The following ADAMTS2 variants were observed in gnomAD, a reference collection of about 807,000 sequenced individuals.
ADAMTS2 encodes the protein ADAM metallopeptidase with thrombospondin type 1 motif 2.
A neutral mutation model predicts 123.0 loss-of-function variants in ADAMTS2; 50 were observed. The ratio of observed to expected loss-of-function variants is 0.41; its 90% confidence interval spans 0.32 to 0.51. ADAMTS2 has a LOEUF of 0.51. Among genes scored for constraint, ADAMTS2 ranks in the 20% least tolerant of loss-of-function variants. The pLI is 0.35. For missense variants in ADAMTS2, 1,494 were observed against 1,705.2 expected (o/e 0.88, Z 2.18); for synonymous variants, 678 against 695.4 (o/e 0.98, Z 0.39).
Position 179,272,186 on chromosome 5 carries a change from G to C in ADAMTS2, c.688+725C>G, listed in dbSNP as rs955692607. Among the ~76,000 whole-genome samples the C allele has an allele frequency of 3.3e-5, 5 of 152,354 alleles. No individual in the cohort carries two copies. The highest frequency in any genetic ancestry group is 3.4e-3 in the Middle Eastern group (1 of 294). ...CAGAGACTGGGGGATGCTGGGAGGT[G>C]TGGGCTGGCACAGTGAGGCCAGATC... is the stretch of plus-strand genomic sequence containing the variant. On this transcript the variant is annotated intron_variant, in intron 3 of 21. Coordinates refer to ENST00000251582, the MANE Select transcript of ADAMTS2 (RefSeq NM_014244.5). This position sits in a 1 kb window ranked among gnomAD's most constrained non-coding sequence, Gnocchi z 5.8.
chr5:179,261,881 A>T (rs1008267189), intron 3 of ADAMTS2, among the ~76,000 whole-genome samples: 1 of 152,174 alleles, frequency 6.6e-6, no homozygotes, highest in Non-Finnish European at 1.5e-5. Context: ...ACACACGTCC[A>T]TGGGACCCCA....
chr5:179,306,065 C>A (rs1382791251), intron 2 of ADAMTS2, among the ~76,000 whole-genome samples: 3 of 151,992 alleles, frequency 2.0e-5, no homozygotes, highest in African/African-American at 7.3e-5. Flanking sequence ...AAAAATGGCA[C>A]CAATTCTCCC....
At position 179,113,802 on chromosome 5, in the gene ADAMTS2, T is replaced by A; in HGVS notation, c.*65A>T. The stretch of plus-strand genomic sequence containing the variant: ...GACTTCATCTCCATGACACAGGATT[T>A]GCTATCCCATGGAATATCTCTATAA... On this transcript the variant is annotated 3_prime_UTR_variant, in exon 22 of 22. Transcript: ENST00000251582. 1 of 1,506,442 alleles carries A rather than the reference T, an allele frequency of 6.6e-7. No individual in the cohort carries two copies. The highest frequency in any genetic ancestry group is 9.2e-7 in the Non-Finnish European group (1 of 1,082,750). The allele number at this position is 1,506,442 out of a possible 1,614,324, so 93.3% of individuals were successfully genotyped here.
At chr5:179,257,065 A>T (rs1188922621) in intron 3 of ADAMTS2, among the ~76,000 whole-genome samples, 1 of 152,212 alleles carries the variant, frequency 6.6e-6, no homozygotes. Flanking sequence ...CAAGAAAGGG[A>T]GGCCCAGGCC....
Position 179,118,471 on chromosome 5 carries a change from AAC to A in ADAMTS2, c.3178+3188_3178+3189del, listed in dbSNP as rs1466312257. 6.6e-6 allele frequency among the ~76,000 whole-genome samples: 1 copy of A among 152,224 alleles called. No homozygotes were observed. Among genetic ancestry groups the A allele is most frequent in the African/African-American group, 2.4e-5 (1 of 41,452 alleles). On this transcript the variant is annotated intron_variant, in intron 21 of 21. Transcript: ENST00000251582. The surrounding 1 kb of genome is among the most constrained non-coding windows in gnomAD (Gnocchi z 4.5). ...GAATGACAATCAACCATTGAGAGTAAACACAGTTTTCATAAACTTAAGTCACT... is the reference window on the plus strand; with the variant it reads ...GAATGACAATCAACCATTGAGAGTAAACAGTTTTCATAAACTTAAGTCACT...
At position 179,202,178 on chromosome 5, in the gene ADAMTS2, G is replaced by A. The variant is rs573180178; in HGVS notation, c.891+5335C>T. On this transcript the variant is annotated intron_variant, in intron 4 of 21. Transcript: ENST00000251582. The surrounding 1 kb of genome is among the most constrained non-coding windows in gnomAD (Gnocchi z 4.0). ...CCACCTCTGGAAGACTGCGGCGGCC[G>A]GCCTTGCCGGCCCCGACTTCCCCTA... is the stretch of plus-strand genomic sequence containing the variant. 3.2e-4 allele frequency among the ~76,000 whole-genome samples: 49 copies of A among 152,114 alleles called. 1 individual carries two copies. The East Asian group carries it at 7.0e-3, about 22-fold the overall frequency.
chr5:179,255,037 T>C (rs1375941599), intron 3 of ADAMTS2, among the ~76,000 whole-genome samples: 1 of 152,024 alleles, frequency 6.6e-6, no homozygotes, highest in African/African-American at 2.4e-5. Flanking sequence ...AATGAATGGA[T>C]AAATAATTGG....
intron 4 of ADAMTS2, among the ~76,000 whole-genome samples, chr5:179,190,503 C>T (rs561885856): frequency 6.6e-6 from 1 of 152,284 alleles, no homozygotes; most frequent in Admixed American, 6.5e-5. Flanking sequence ...GGACCCAGGA[C>T]ATCCAATTAG....
Position 179,153,496 on chromosome 5 carries a change from T to C in ADAMTS2, c.1510A>G (p.Thr504Ala). The C allele has an allele frequency of 6.2e-7, 1 of 1,609,108 alleles. No individual in the cohort carries two copies. Among genetic ancestry groups the C allele is most frequent in the African/African-American group, 1.3e-5 (1 of 75,042 alleles). Residue 504 changes from threonine (T) to alanine (A), a missense_variant, in exon 9 of 22, where the codon ACG becomes GCG. Physicochemically the swap from Thr to Ala is moderately conservative, Grantham distance 58 (BLOSUM62 0). Around this residue, in one of 6 missense-constraint regions of ADAMTS2, gnomAD observed 953 missense variants for 1,124.7 expected, o/e 0.85. Transcript: ENST00000251582. ...CTGCAGGGCTGCACACTCACCGCCG[T>C]GCACATCATGTAGCCCAGGCCGAAG... ...FDFGLGYMMC[T>A]AFRTFDPCKQ... is the part of the protein sequence containing the mutation.
At chr5:179,322,838 ACAC>A (rs1279337178) in intron 2 of ADAMTS2, among the ~76,000 whole-genome samples, 1 of 152,206 alleles carries the variant, frequency 6.6e-6, no homozygotes, top group Non-Finnish European at 1.5e-5. Context: ...AATCTCTCAC[ACAC>A]AAGCTGGCGC....
intron 3 of ADAMTS2, among the ~76,000 whole-genome samples, chr5:179,230,529 C>T (rs949075618): frequency 3.3e-5 from 5 of 152,186 alleles, no homozygotes; most frequent in Admixed American, 6.5e-5. Flanking sequence ...CACACAGAGA[C>T]GGTGAGACTT....
Position 179,125,106 on chromosome 5 carries a change from CAGCGCACGG to C in ADAMTS2, c.2816_2824del (p.Ser939_Arg941del). The C allele has an allele frequency of 6.2e-7, 1 of 1,612,936 alleles. No individual in the cohort carries two copies. The highest frequency in any genetic ancestry group is 8.5e-7 in the Non-Finnish European group (1 of 1,179,900). ...GGTGTTGTCGTGTAGCGGCTGAATG[CAGCGCACGG>C]AGCGCACCTGCATGCCTGTCCGCCC... On this transcript the variant is annotated inframe_deletion, in exon 19 of 22. Transcript: ENST00000251582.
chr5:179,296,028 A>T (rs1348619320), intron 2 of ADAMTS2, among the ~76,000 whole-genome samples: 1 of 152,182 alleles, frequency 6.6e-6, no homozygotes, highest in South Asian at 2.1e-4. Flanking sequence ...GCTCAGCCAC[A>T]CAGCACGTGC....
In ADAMTS2 at chr5:179,312,767, G is replaced by A. The variant is rs866995360; in HGVS notation, c.534+31000C>T. ...TGCCACGAGGACCTGGAAGAGCCCA[G>A]GACGCATCCTCCCCTAGAGGCTCCG... On this transcript the variant is annotated intron_variant, in intron 2 of 21. Coordinates refer to ENST00000251582, the MANE Select transcript of ADAMTS2 (RefSeq NM_014244.5). This position sits in a 1 kb window ranked among gnomAD's most constrained non-coding sequence, Gnocchi z 4.2. Among the ~76,000 whole-genome samples, 5 of 152,342 alleles carry A rather than the reference G, an allele frequency of 3.3e-5. No individual in the cohort carries two copies. The highest frequency in any genetic ancestry group is 3.4e-3 in the Middle Eastern group (1 of 294).
chr5:179,234,070 C>T lies in ADAMTS2; in HGVS notation c.689-26355G>A, dbSNP rs569440940. On this transcript the variant is annotated intron_variant, in intron 3 of 21. Transcript: ENST00000251582. The surrounding 1 kb of genome is among the most constrained non-coding windows in gnomAD (Gnocchi z 4.7). ...ACTGCCAGGCCCTTCCACAGCCCGA[C>T]TCCCCGTGGACTCTGCAGGTTTCCT... Among the ~76,000 whole-genome samples, 2 of 152,290 alleles carry T rather than the reference C, an allele frequency of 1.3e-5. No individual in the cohort carries two copies. The highest frequency in any genetic ancestry group is 3.9e-4 in the East Asian group (2 of 5,180).
At chr5:179,149,512 G>A (rs527745918) in intron 10 of ADAMTS2, among the ~76,000 whole-genome samples, 24 of 152,218 alleles carry the variant, frequency 1.6e-4, no homozygotes, top group African/African-American at 5.8e-4. Context: ...ACTGGTGGCC[G>A]CAGGAACCAG....
rs925259912 is a variant in ADAMTS2, at chr5:179,314,517, G to A, written c.534+29250C>T. Among the ~76,000 whole-genome samples, 2 of 152,108 alleles carry A rather than the reference G, an allele frequency of 1.3e-5. No individual in the cohort carries two copies. The highest frequency in any genetic ancestry group is 6.5e-5 in the Admixed American group (1 of 15,280). ...TGCTGTACTCAGAGCCCAGGAAGCAGCCCTCCCACCCACAGCGCTCCTGCC... is the reference window on the plus strand; with the variant it reads ...TGCTGTACTCAGAGCCCAGGAAGCAACCCTCCCACCCACAGCGCTCCTGCC... On this transcript the variant is annotated intron_variant, in intron 2 of 21. Coordinates refer to ENST00000251582, the MANE Select transcript of ADAMTS2 (RefSeq NM_014244.5). This position sits in a 1 kb window ranked among gnomAD's most constrained non-coding sequence, Gnocchi z 4.5.
chr5:179,320,972 G>GA (rs961130015), intron 2 of ADAMTS2, among the ~76,000 whole-genome samples: 12 of 151,710 alleles, frequency 7.9e-5, no homozygotes, highest in Non-Finnish European at 1.3e-4. Context: ...GGGGATGTGG[G>GA]AAAAAAAACA....
intron 3 of ADAMTS2, among the ~76,000 whole-genome samples, chr5:179,252,175 T>C (rs1356963057): frequency 1.3e-5 from 2 of 151,886 alleles, no homozygotes; most frequent in Non-Finnish European, 2.9e-5. Flanking sequence ...GTGTAGCTAA[T>C]TTTTAGATTT....
Sources: gnomAD v4.1 joint callset for allele counts (sites outside exome capture counted in the v4.1 genomes callset) on GRCh38, gnomAD v4.1.1 for gene constraint, gnomAD v4.1.1 regional missense constraint, Gnocchi (gnomAD v3.1) non-coding constraint, MANE v1.5 for transcripts, NCBI Gene and HGNC (gene_info 2026-07-23, HGNC 2026-07-21) for gene names.